The following CCT7 variants were observed in gnomAD, a reference collection of about 807,000 sequenced individuals.
CCT7 encodes chaperonin containing TCP1 subunit 7.
Under a neutral mutation model 56.6 loss-of-function variants are expected in CCT7, and 16 were observed. The ratio of observed to expected loss-of-function variants is 0.28; its 90% CI spans 0.19 to 0.43. CCT7 has a LOEUF of 0.43. CCT7 is among the 20% of genes least tolerant of loss of function. The pLI, the probability that CCT7 is intolerant of heterozygous loss-of-function variation, is 1.00. For missense variants in CCT7, 519 were observed against 685.6 expected (o/e 0.76, Z 2.71); for synonymous variants, 262 against 254.8 (o/e 1.03, Z -0.27).
intron 4 of CCT7, among the ~76,000 whole-genome samples, chr2:73,243,654 G>A (rs964691439): frequency 3.9e-5 from 6 of 152,138 alleles, no homozygotes; most frequent in Admixed American, 6.6e-5. Context: ...AGAAGTTGTC[G>A]TAGGTGTTTT....
In CCT7 at chr2:73,251,444, C is replaced by T; in HGVS notation, c.1410+12C>T. The T allele has an allele frequency of 6.5e-7, 1 of 1,547,976 alleles. No individual in the cohort carries two copies. Among genetic ancestry groups the T allele is most frequent in the Non-Finnish European group, 8.9e-7 (1 of 1,126,006 alleles). ...CTCGGCATGCCCAGGTGGGTCCTTT[C>T]TCTCCCCAGGGTTCAGGGTTTGGGC... On this transcript the variant is annotated intron_variant, in intron 11 of 11. Transcript: ENST00000258091.
In CCT7 at chr2:73,251,914, G is replaced by A. The variant is rs558907419; in HGVS notation, c.1410+482G>A. Among the ~76,000 whole-genome samples the A allele has an allele frequency of 5.3e-5, 8 of 151,920 alleles. No individual in the cohort carries two copies. The East Asian group carries it at 9.7e-4, about 18-fold the overall frequency. On this transcript the variant is annotated intron_variant, in intron 11 of 11. Transcript: ENST00000258091. ...AGATCGTGCCGCTGCACTCCAGCCC[G>A]GGTGGTAGTGTGAGACTCCATCTCA... is the stretch of plus-strand genomic sequence containing the variant.
chr2:73,242,917 T>G (rs1014160594), intron 3 of CCT7, 87 bp from the exon 4 acceptor site: 8 of 1,515,340 alleles, frequency 5.3e-6, no homozygotes, highest in African/African-American at 1.4e-5. Flanking sequence ...ATATTCAGTT[T>G]AAATGGGTAG....
intron 4 of CCT7, among the ~76,000 whole-genome samples, chr2:73,243,428 C>T (rs542287700): frequency 6.6e-6 from 1 of 152,250 alleles, no homozygotes; most frequent in South Asian, 2.1e-4. Context: ...TCAAGCACCT[C>T]ATGGTGTATA....
chr2:73,245,022 A>T (rs1023512484), intron 6 of CCT7, among the ~76,000 whole-genome samples: 1 of 152,150 alleles, frequency 6.6e-6, no homozygotes, highest in Non-Finnish European at 1.5e-5. Context: ...TGACCTCCCA[A>T]TTAATACATC....
intron 6 of CCT7, 30 bp downstream of exon 6, chr2:73,244,745 T>C: frequency 6.4e-7 from 1 of 1,569,698 alleles, no homozygotes. Context: ...CCTAGACAGC[T>C]CTTGCTTTCA....
chr2:73,246,278 T>C (rs1376016251), intron 6 of CCT7, among the ~76,000 whole-genome samples: 8 of 152,258 alleles, frequency 5.3e-5, no homozygotes, highest in Non-Finnish European at 1.2e-4. Context: ...TATCTTGTCC[T>C]CCACTCCTGT....
Position 73,252,641 on chromosome 2 carries a change from G to C in CCT7, c.1412G>C (p.Gly471Ala), listed in dbSNP as rs773330831. 7.4e-6 allele frequency: 12 copies of C among 1,612,216 alleles called. No homozygotes were observed. In the East Asian group the frequency reaches 1.3e-4, roughly 18 times the overall value. The change falls in exon 12 of 12, where the codon GGG (glycine) becomes GCG (alanine). Residue 471 changes from glycine to alanine, a missense_variant and splice_region_variant. Gly to Ala is a moderately conservative substitution (Grantham distance 60). Coordinates refer to ENST00000258091, the MANE Select transcript of CCT7 (RefSeq NM_006429.4). ...TCCTTTCTTTTCCTACTCTTTTAGG[G>C]GGGTACATGGTATGGAGTAGACATC... Reference protein sequence around the residue: ...LNKLRARHAQGGTWYGVDINN... With the variant: ...LNKLRARHAQAGTWYGVDINN...
rs1687655175 is a variant in CCT7 at position 73,252,801 on chromosome 2, C to T, written c.1572C>T (p.Arg524=). ...VSVDETIKNP[R]STVDAPTAAG... Reference sequence around the variant, plus strand: ...TAGATGAAACCATCAAGAACCCCCGCTCGACTGTGGATGCTCCCACAGCAG... The same window carrying T: ...TAGATGAAACCATCAAGAACCCCCGTTCGACTGTGGATGCTCCCACAGCAG... Residue 524 remains arginine, a synonymous_variant, in exon 12 of 12, where the codon CGC becomes CGT. Coordinates refer to ENST00000258091, the MANE Select transcript of CCT7 (RefSeq NM_006429.4). 1.2e-6 allele frequency: 2 copies of T among 1,614,164 alleles called. No homozygotes were observed. The highest frequency in any genetic ancestry group is 2.2e-5 in the East Asian group (1 of 44,868).
At position 73,249,031 on chromosome 2, in the gene CCT7, A is replaced by G; in HGVS notation, c.824A>G (p.Tyr275Cys). The G allele has an allele frequency of 1.2e-6, 2 of 1,613,866 alleles. No homozygotes were observed. The highest frequency in any genetic ancestry group is 1.7e-6 in the Non-Finnish European group (2 of 1,180,018). The change falls in exon 8 of 12, where the codon TAT (tyrosine) becomes TGT (cysteine). Residue 275 changes from tyrosine to cysteine, a missense_variant. Tyr to Cys is a radical substitution (Grantham distance 194). Around this residue, in one of 3 missense-constraint regions of CCT7, gnomAD observed 276 missense variants for 357.3 expected, o/e 0.77. Coordinates refer to ENST00000258091, the MANE Select transcript of CCT7 (RefSeq NM_006429.4). Reference sequence around the variant, plus strand: ...GTTGATGCTGAGTGGAACATTCTCTATGACAAGTTAGAGAAGATCCATCAT... The same window carrying G: ...GTTGATGCTGAGTGGAACATTCTCTGTGACAAGTTAGAGAAGATCCATCAT... ...AIVDAEWNIL[Y>C]DKLEKIHHSG...
chr2:73,247,611 A>C, intron 6 of CCT7, 151 bp from the exon 7 acceptor site: 1 of 584,508 alleles, frequency 1.7e-6, no homozygotes, highest in Non-Finnish European at 3.0e-6. Context: ...CTTCGATTTT[A>C]TGATAACAGA....
Position 73,249,083 on chromosome 2 carries a change from A to G in CCT7, c.876A>G (p.Lys292=), listed in dbSNP as rs749674982. The change falls in exon 8 of 12, where the codon AAA becomes AAG. Residue 292 remains lysine (K), a synonymous_variant. Coordinates refer to ENST00000258091, the MANE Select transcript of CCT7 (RefSeq NM_006429.4). ...CTGGAGCCAAAGTTGTCTTGTCCAA[A>G]CTCCCCATTGGGGATGTGGCCACCC... is the stretch of plus-strand genomic sequence containing the variant. ...HHSGAKVVLS[K]LPIGDVATQY... 3.1e-6 allele frequency: 5 copies of G among 1,613,924 alleles called. No individual in the cohort carries two copies. Among genetic ancestry groups the G allele is most frequent in the Non-Finnish European group, 4.2e-6 (5 of 1,179,970 alleles).
chr2:73,236,152 G>A (rs1251443455), intron 1 of CCT7, among the ~76,000 whole-genome samples: 4 of 152,240 alleles, frequency 2.6e-5, no homozygotes, highest in Non-Finnish European at 5.9e-5. Flanking sequence ...TGCATAAAAT[G>A]TATGTCCTTG....
chr2:73,250,230 G>A (rs149464764), intron 9 of CCT7, 76 bp from the exon 10 acceptor site: 327 of 1,549,152 alleles, frequency 2.1e-4, no homozygotes, highest in Admixed American at 1.4e-3. Context: ...GTGTTGGGGG[G>A]GCTGGCAGTG....
At chr2:73,234,732 C>G (rs1462463648) in intron 1 of CCT7, among the ~76,000 whole-genome samples, 1 of 152,202 alleles carries the variant, frequency 6.6e-6, no homozygotes, top group Non-Finnish European at 1.5e-5. Context: ...GCCGTGGTTA[C>G]GCGGTCGGCA....
chr2:73,248,992 A>G lies in CCT7; in HGVS notation c.785A>G (p.Asp262Gly). The change falls in exon 8 of 12, where the codon GAT (aspartate) becomes GGT (glycine). Residue 262 changes from aspartate (D) to glycine (G), a missense_variant and splice_region_variant. By Grantham distance (94) the Asp-to-Gly change is moderately conservative. Around this residue, in one of 3 missense-constraint regions of CCT7, gnomAD observed 276 missense variants for 357.3 expected, o/e 0.77. Transcript: ENST00000258091. ...NAEIRVHTVE[D>G]YQAIVDAEWN... ...TCATCCTTTTCTGGGTCTCTCCAGGATTATCAGGCAATTGTTGATGCTGAG... is the reference window on the plus strand; with the variant it reads ...TCATCCTTTTCTGGGTCTCTCCAGGGTTATCAGGCAATTGTTGATGCTGAG... The G allele has an allele frequency of 6.2e-7, 1 of 1,611,412 alleles. No individual in the cohort carries two copies. Among genetic ancestry groups the G allele is most frequent in the Non-Finnish European group, 8.5e-7 (1 of 1,178,972 alleles).
At position 73,252,898 on chromosome 2, in the gene CCT7, G is replaced by A. The variant is rs748156829; in HGVS notation, c.*37G>A. 4 of 1,528,002 alleles carry A rather than the reference G, an allele frequency of 2.6e-6. No individual in the cohort carries two copies. The Admixed American group carries it at 6.9e-5, about 26-fold the overall frequency. 94.7% of individuals were successfully genotyped at this position (1,528,002 alleles called of 1,614,324 possible). On this transcript the variant is annotated 3_prime_UTR_variant, in exon 12 of 12. Coordinates refer to ENST00000258091, the MANE Select transcript of CCT7 (RefSeq NM_006429.4). ...CCCATCACATGGCTGGCTGGCTGCT[G>A]GGTGCACTTACCCTCCTTGGCTTGG...
chr2:73,243,257 C>G, intron 4 of CCT7, 128 bp downstream of exon 4: 1 of 941,980 alleles, frequency 1.1e-6, no homozygotes. Context: ...TCTGACATCT[C>G]CTTAGTAATC....
chr2:73,243,487 G>A (rs12464589), intron 4 of CCT7, among the ~76,000 whole-genome samples: 17,470 of 151,992 alleles, frequency 0.11, 1,396 homozygotes, highest in African/African-American at 0.23. Flanking sequence ...GTGATCTGGG[G>A]CAAGTCATTT....
Sources: gnomAD v4.1 joint callset for allele counts (sites outside exome capture counted in the v4.1 genomes callset) on GRCh38, gnomAD v4.1.1 for gene constraint, gnomAD v4.1.1 regional missense constraint, MANE v1.5 for transcripts, NCBI Gene and HGNC (gene_info 2026-07-23, HGNC 2026-07-21) for gene names.